LARP1B: variants seen among roughly 807,000 people sequenced by gnomAD.
The protein encoded by LARP1B is la-related protein 1B.
In LARP1B, 76 loss-of-function variants were observed where a neutral mutation model predicts 114.2. The ratio of observed to expected loss-of-function variants is 0.67; its 90% CI spans 0.55 to 0.81. The LOEUF (loss-of-function observed/expected upper bound fraction) is 0.81, where lower values mean the gene tolerates loss of function less well. Ranked by LOEUF, LARP1B falls within the 30% of genes least tolerant of loss-of-function variation. LARP1B has a pLI of 0.00. For synonymous variants in LARP1B, 345 were observed against 348.0 expected (o/e 0.99, Z 0.10); for missense variants, 1,014 against 1,075.8 (o/e 0.94, Z 0.80).
intron 11 of LARP1B, among the ~76,000 whole-genome samples, chr4:128,159,084 GAT>G (rs1208513725): frequency 6.6e-6 from 1 of 150,936 alleles, no homozygotes; most frequent in Non-Finnish European, 1.5e-5. Context: ...GAGGTGGGAA[GAT>G]CACCTGGGCC....
intron 8 of LARP1B, among the ~76,000 whole-genome samples, chr4:128,106,571 C>G (rs558427984): frequency 6.6e-6 from 1 of 151,632 alleles, no homozygotes; most frequent in African/African-American, 2.4e-5. Flanking sequence ...GCACCTTTGC[C>G]TAATGGCTAA....
At chr4:128,161,002 TTTC>T (rs1367685079) in intron 11 of LARP1B, among the ~76,000 whole-genome samples, 2 of 152,346 alleles carry the variant, frequency 1.3e-5, no homozygotes, top group East Asian at 3.9e-4. Flanking sequence ...CGAAAAATTC[TTTC>T]TTATGTTTTT....
intron 5 of LARP1B, among the ~76,000 whole-genome samples, chr4:128,088,184 C>G (rs902341307): frequency 3.3e-5 from 4 of 122,308 alleles, no homozygotes; most frequent in African/African-American, 1.3e-4. Flanking sequence ...AGTGAGACCC[C>G]ATCTCTAAAA....
intron 15 of LARP1B, among the ~76,000 whole-genome samples, chr4:128,193,065 C>A (rs1752788834): frequency 6.6e-6 from 1 of 152,118 alleles, no homozygotes; most frequent in Non-Finnish European, 1.5e-5. Flanking sequence ...AACTCCTGGG[C>A]TCAAGCAATT....
chr4:128,221,060 T>C (rs1352489225), intron 7 of LARP1B, among the ~76,000 whole-genome samples: 1 of 152,234 alleles, frequency 6.6e-6, no homozygotes, highest in African/African-American at 2.4e-5. Flanking sequence ...GATTGGATTC[T>C]TGTGGTTAAG....
chr4:128,099,225 A>T (rs1317491095), intron 8 of LARP1B, among the ~76,000 whole-genome samples: 1 of 147,918 alleles, frequency 6.8e-6, no homozygotes. Context: ...TTTCTAGCCA[A>T]TTTCTTTCCC....
chr4:128,181,223 T>C (rs1748265143), intron 15 of LARP1B, among the ~76,000 whole-genome samples: 2 of 149,760 alleles, frequency 1.3e-5, no homozygotes, highest in African/African-American at 4.9e-5. Flanking sequence ...TCACTCTGTC[T>C]CCCATTCTGG....
chr4:128,081,387 T>C (rs1770344679), intron 4 of LARP1B, among the ~76,000 whole-genome samples: 1 of 150,638 alleles, frequency 6.6e-6, no homozygotes, highest in African/African-American at 2.4e-5. Flanking sequence ...CCTTTTTTTT[T>C]TTTTTTTTTT....
chr4:128,159,380 AC>A (rs1158310225), intron 11 of LARP1B, among the ~76,000 whole-genome samples: 1 of 152,008 alleles, frequency 6.6e-6, no homozygotes, highest in East Asian at 1.9e-4. Context: ...AGTCTAACCC[AC>A]CTGCCTCACC....
intron 14 of LARP1B, 53 bp from the exon 15 acceptor site, chr4:128,179,353 G>T (rs1470315528): frequency 4.7e-5 from 52 of 1,102,374 alleles, no homozygotes; most frequent in Middle Eastern, 2.0e-4. Context: ...TAATTTACTT[G>T]TGAAGTTCAC....
intron 10 of LARP1B, 46 bp downstream of exon 10, chr4:128,114,788 G>C (rs761518710): frequency 7.7e-6 from 12 of 1,559,976 alleles, no homozygotes; most frequent in Non-Finnish European, 9.7e-6. Context: ...CCTGGGTGGA[G>C]TATAAGGTCA....
intron 1 of LARP1B, among the ~76,000 whole-genome samples, chr4:128,071,629 C>T (rs1450189720): frequency 6.6e-6 from 1 of 151,446 alleles, no homozygotes; most frequent in Non-Finnish European, 1.5e-5. Context: ...ACCATGTTGG[C>T]CAGGCTGGTC....
rs150040038 is a variant in LARP1B, at chr4:128,097,978, TTTTAAG to T, written c.669-201_669-196del. Among the ~76,000 whole-genome samples the T allele has an allele frequency of 3.2e-3, 488 of 152,336 alleles. 4 individuals carry two copies. Among genetic ancestry groups the T allele is most frequent in the African/African-American group, 0.011 (464 of 41,580 alleles). On this transcript the variant is annotated intron_variant, in intron 7 of 19. Transcript: ENST00000326639. ...GTTATTAATTTTTTGGAAAATAATA[TTTTAAG>T]TTTAAGAGAAATTATTAATTCAGTA...
chr4:128,110,061 G>A (rs1316563405), intron 9 of LARP1B, among the ~76,000 whole-genome samples: 7 of 151,946 alleles, frequency 4.6e-5, no homozygotes, highest in Non-Finnish European at 7.4e-5. Context: ...GTGCCACCAC[G>A]CTTGGCTTAT....
In LARP1B at chr4:128,094,439, C is replaced by T. The variant is rs569834515; in HGVS notation, c.668+2927C>T. On this transcript the variant is annotated intron_variant, in intron 7 of 19. Coordinates refer to ENST00000326639, the MANE Select transcript of LARP1B (RefSeq NM_018078.4). ...TTTTTGAGACATTGTCTCACTCTGT[C>T]GCCCAGGATGGAGTACAGTGGCGCA... Among the ~76,000 whole-genome samples the T allele has an allele frequency of 2.9e-4, 39 of 133,590 alleles. 1 individual carries two copies. The South Asian group carries it at 7.3e-3, about 25-fold the overall frequency. The allele number at this position is 133,590 out of a possible 152,430, so 87.6% of individuals were successfully genotyped here.
intron 8 of LARP1B, among the ~76,000 whole-genome samples, chr4:128,105,135 T>C (rs1476810510): frequency 1.3e-5 from 2 of 152,072 alleles, no homozygotes; most frequent in Admixed American, 1.3e-4. Flanking sequence ...ATCTTAGATG[T>C]TCACTGTGAG....
chr4:128,110,173 A>G (rs1034043240), intron 9 of LARP1B, among the ~76,000 whole-genome samples: 1 of 152,156 alleles, frequency 6.6e-6, no homozygotes, highest in Non-Finnish European at 1.5e-5. Flanking sequence ...AAATGGGATT[A>G]CAGGCGTGAG....
At chr4:128,152,206 GA>G (rs1455367602) in intron 11 of LARP1B, among the ~76,000 whole-genome samples, 22 of 112,072 alleles carry the variant, frequency 2.0e-4, no homozygotes, top group African/African-American at 8.4e-4. Context: ...ATAAGATGGT[GA>G]TTTTTTTTTT....
chr4:128,200,708 T>A (rs759551925), intron 17 of LARP1B, 43 bp downstream of exon 17: 13 of 1,391,898 alleles, frequency 9.3e-6, no homozygotes, highest in Non-Finnish European at 1.2e-5. Flanking sequence ...TTTATTATTT[T>A]CTTCTTCTTT....
Sources: gnomAD v4.1 joint callset for allele counts (sites outside exome capture counted in the v4.1 genomes callset) on GRCh38, gnomAD v4.1.1 for gene constraint, MANE v1.5 for transcripts, NCBI Gene and HGNC (gene_info 2026-07-23, HGNC 2026-07-21) for gene names.